Variants in THSD4 observed in about 807,000 individuals in gnomAD.
THSD4 encodes the protein thrombospondin type 1 domain containing 4, also known as thrombospondin type-1 domain-containing protein 4.
In THSD4, 69 loss-of-function variants were observed where a neutral mutation model predicts 119.0. That is an observed-to-expected ratio of 0.58 (90% CI 0.48 to 0.71). THSD4 has a LOEUF of 0.71. Among genes scored for constraint, THSD4 ranks in the 30% least tolerant of loss-of-function variants. The pLI is 0.00. For synonymous variants in THSD4, 524 were observed against 540.4 expected, an observed-to-expected ratio of 0.97 and a Z score of 0.42; for missense variants, 1,393 against 1,391.1, an observed-to-expected ratio of 1.00 and a Z score of -0.02.
At chr15:71,228,526 T>A (rs2140262031) in intron 4 of THSD4, among the ~76,000 whole-genome samples, 1 of 152,370 alleles carries the variant, frequency 6.6e-6, no homozygotes, top group East Asian at 1.9e-4. Context: ...ACTAATGCAC[T>A]GTAAGAGGCT....
intron 7 of THSD4, among the ~76,000 whole-genome samples, chr15:71,598,974 A>C (rs1266965978): frequency 6.6e-6 from 1 of 152,154 alleles, no homozygotes; most frequent in Non-Finnish European, 1.5e-5. Flanking sequence ...GGAACACCCC[A>C]GCTTAAGTCC....
At chr15:71,348,322 G>A (rs897540436) in intron 6 of THSD4, 2 of 152,214 alleles carry the variant, frequency 1.3e-5, no homozygotes, top group Non-Finnish European at 2.9e-5. Context: ...ACATGAACCT[G>A]CGATTCTGCA....
At position 71,379,364 on chromosome 15, in the gene THSD4, C is replaced by T. The variant is rs533586336; in HGVS notation, c.1016-32323C>T. On this transcript the variant is annotated intron_variant, in intron 6 of 17. Coordinates refer to ENST00000261862, the MANE Select transcript of THSD4 (RefSeq NM_024817.3). ...ATATCTAACTTGTCCTTCGCCAGCCCTCCATTCCTAAGAGGACAGTTTTCC... is the reference window on the plus strand; with the variant it reads ...ATATCTAACTTGTCCTTCGCCAGCCTTCCATTCCTAAGAGGACAGTTTTCC... Among the ~76,000 whole-genome samples the T allele has an allele frequency of 2.5e-3, 373 of 151,832 alleles. 1 individual carries two copies. The highest frequency in any genetic ancestry group is 4.0e-3 in the Non-Finnish European group (270 of 67,940).
intron 7 of THSD4, among the ~76,000 whole-genome samples, chr15:71,484,753 G>A (rs940947967): frequency 4.6e-5 from 7 of 152,174 alleles, no homozygotes; most frequent in South Asian, 2.1e-4. Flanking sequence ...TGACCTGTCC[G>A]TGGCCATCTG....
chr15:71,282,049 A>G (rs2044659187), intron 6 of THSD4, among the ~76,000 whole-genome samples: 1 of 152,236 alleles, frequency 6.6e-6, no homozygotes, highest in Non-Finnish European at 1.5e-5. Context: ...TAAATGAAAT[A>G]GTTCCTACAC....
chr15:71,237,548 T>C (rs1317454038), intron 4 of THSD4, among the ~76,000 whole-genome samples: 1 of 152,150 alleles, frequency 6.6e-6, no homozygotes, highest in Non-Finnish European at 1.5e-5. Flanking sequence ...CCACATCAGC[T>C]TCATCTGGGA....
chr15:71,627,215 C>T (rs1427209822), intron 7 of THSD4, among the ~76,000 whole-genome samples: 1 of 152,156 alleles, frequency 6.6e-6, no homozygotes, highest in African/African-American at 2.4e-5. Context: ...AATGTTCCTT[C>T]TCTGATCAGT....
chr15:71,374,775 C>A (rs754680923), intron 6 of THSD4, among the ~76,000 whole-genome samples: 1 of 152,108 alleles, frequency 6.6e-6, no homozygotes, highest in South Asian at 2.1e-4. Flanking sequence ...TATAAATGTG[C>A]AAAACAATTT....
chr15:71,756,950 A>G (rs1446452510), intron 14 of THSD4, among the ~76,000 whole-genome samples: 1 of 152,190 alleles, frequency 6.6e-6, no homozygotes, highest in Non-Finnish European at 1.5e-5. Context: ...AATCACTAAT[A>G]GATATTTGGC....
Position 71,667,682 on chromosome 15 carries a change from A to T in THSD4, c.1357+6948A>T, listed in dbSNP as rs535295776. ...TTGAACAGCTTTCTTTACAGGAAAC[A>T]TTGGATGTTTAAATACTATGATGTC... On this transcript the variant is annotated intron_variant, in intron 8 of 17. Transcript: ENST00000261862. Among the ~76,000 whole-genome samples the T allele has an allele frequency of 2.6e-5, 4 of 152,376 alleles. No individual in the cohort carries two copies. The East Asian group carries it at 7.7e-4, about 29-fold the overall frequency.
chr15:71,173,585 T>C (rs199811184), intron 3 of THSD4, among the ~76,000 whole-genome samples: 1 of 131,244 alleles, frequency 7.6e-6, no homozygotes, highest in Non-Finnish European at 1.7e-5. Context: ...TATATATATA[T>C]ATACATTTTT....
At chr15:71,133,050 T>G (rs952466876) in intron 1 of THSD4, among the ~76,000 whole-genome samples, 1 of 152,216 alleles carries the variant, frequency 6.6e-6, no homozygotes, top group Non-Finnish European at 1.5e-5. Context: ...GCAGCTCCCA[T>G]GCAGAGCTCA....
At chr15:71,661,459 G>A (rs762573183) in intron 8 of THSD4, among the ~76,000 whole-genome samples, 108 of 151,216 alleles carry the variant, frequency 7.1e-4, no homozygotes, top group Non-Finnish European at 8.4e-4. Flanking sequence ...GCAGTGGTGC[G>A]ATTTTTGCTC....
chr15:71,473,333 C>T (rs67279208), intron 7 of THSD4, among the ~76,000 whole-genome samples: 23,499 of 152,162 alleles, frequency 0.15, 2,312 homozygotes, highest in East Asian at 0.3. Flanking sequence ...GCTGGGATTA[C>T]AGGTGTGAGC....
intron 7 of THSD4, among the ~76,000 whole-genome samples, chr15:71,505,683 T>C (rs983519936): frequency 3.9e-5 from 6 of 152,168 alleles, no homozygotes; most frequent in Admixed American, 1.3e-4. Flanking sequence ...GATGGAAAAA[T>C]AAGCTTCAAA....
intron 7 of THSD4, among the ~76,000 whole-genome samples, chr15:71,485,541 G>A (rs1013153097): frequency 6.6e-6 from 1 of 152,116 alleles, no homozygotes; most frequent in Non-Finnish European, 1.5e-5. Context: ...GCTAACCATT[G>A]CCTCCAGAGC....
chr15:71,203,523 A>T (rs953325428), intron 3 of THSD4, among the ~76,000 whole-genome samples: 1 of 151,980 alleles, frequency 6.6e-6, no homozygotes, highest in Non-Finnish European at 1.5e-5. Flanking sequence ...GCTGGGCATG[A>T]TGGTGTGTGC....
chr15:71,573,810 T>G (rs1019394551), intron 7 of THSD4, among the ~76,000 whole-genome samples: 1 of 152,240 alleles, frequency 6.6e-6, no homozygotes, highest in Non-Finnish European at 1.5e-5. Context: ...CCTCACTAGT[T>G]GTGACTTCAT....
intron 4 of THSD4, among the ~76,000 whole-genome samples, chr15:71,236,661 T>C (rs1161458894): frequency 6.6e-6 from 1 of 152,244 alleles, no homozygotes; most frequent in African/African-American, 2.4e-5. Flanking sequence ...TCAGCTTTTC[T>C]AGGGTCAATT....
Sources: gnomAD v4.1 joint callset for allele counts (sites outside exome capture counted in the v4.1 genomes callset) on GRCh38, gnomAD v4.1.1 for gene constraint, MANE v1.5 for transcripts, NCBI Gene and HGNC (gene_info 2026-07-23, HGNC 2026-07-21) for gene names.